ANAPC7: variants seen among roughly 807,000 people sequenced by gnomAD.
The protein encoded by ANAPC7 is anaphase-promoting complex subunit 7.
ANAPC7 carries 25 observed loss-of-function variants against 63.3 expected under a neutral mutation model. The observed-to-expected ratio is 0.39, with a 90% CI of 0.29 to 0.55. The LOEUF is 0.55. Ranked by LOEUF, ANAPC7 falls within the 20% of genes least tolerant of loss-of-function variation. The pLI, the probability that ANAPC7 is intolerant of heterozygous loss-of-function variation, is 0.57. For missense variants in ANAPC7, 516 were observed against 691.7 expected, an observed-to-expected ratio of 0.75 and a Z score of 2.85; for synonymous variants, 241 against 251.7, an observed-to-expected ratio of 0.96 and a Z score of 0.40.
intron 1 of ANAPC7, among the ~76,000 whole-genome samples, chr12:110,399,393 C>G (rs1226127864): frequency 6.6e-6 from 1 of 151,124 alleles, no homozygotes; most frequent in Non-Finnish European, 1.5e-5. Context: ...AATCCCAACA[C>G]TTTGGGAGGT....
chr12:110,386,284 C>T lies in ANAPC7; in HGVS notation c.817+43G>A, dbSNP rs548996491. On this transcript the variant is annotated intron_variant, in intron 6 of 10. Transcript: ENST00000455511. ...TATTCTCCCTATTATCTCTGATCCC[C>T]CCCAACAACAGCCACTGTCTTCCTG... 134 of 1,611,372 alleles carry T rather than the reference C, an allele frequency of 8.3e-5. No homozygotes were observed. In the South Asian group the frequency reaches 1.4e-3, roughly 17 times the overall value.
intron 5 of ANAPC7, 163 bp downstream of exon 5, chr12:110,387,576 A>G: frequency 2.7e-6 from 2 of 731,408 alleles, no homozygotes; most frequent in Non-Finnish European, 4.3e-6. Flanking sequence ...TGATTACATG[A>G]TTACATTTGG....
intron 8 of ANAPC7, 54 bp from the exon 9 acceptor site, chr12:110,377,671 T>C (rs1212498453): frequency 6.2e-7 from 1 of 1,609,270 alleles, no homozygotes; most frequent in Admixed American, 1.7e-5. Context: ...TTCCAACCCA[T>C]GCTTCCACTC....
Position 110,376,148 on chromosome 12 carries a change from C to T in ANAPC7, c.1426G>A (p.Val476Ile). The T allele has an allele frequency of 6.2e-7, 1 of 1,614,170 alleles. No homozygotes were observed. ...RNALANQSDC[V>I]LHRILGDFLV... Reference sequence around the variant, plus strand: ...AAATCTCCTAGGATCCGATGCAGGACACAGTCACTCTGATTAGCCAGTGCG... The same window carrying T: ...AAATCTCCTAGGATCCGATGCAGGATACAGTCACTCTGATTAGCCAGTGCG... Residue 476 changes from valine (V) to isoleucine (I), a missense_variant, in exon 10 of 11, where the codon GTC (valine) becomes ATC (isoleucine). Around this residue, in one of 4 missense-constraint regions of ANAPC7, gnomAD observed 122 missense variants for 212.0 expected, o/e 0.58. Transcript: ENST00000455511.
chr12:110,397,992 T>C (rs958233130), intron 1 of ANAPC7, among the ~76,000 whole-genome samples: 2 of 152,050 alleles, frequency 1.3e-5, no homozygotes, highest in Admixed American at 6.6e-5. Context: ...GCACCTGTAA[T>C]CCGAGCACTT....
chr12:110,395,252 G>A (rs374404661), intron 2 of ANAPC7, 32 bp from the exon 3 acceptor site: 31 of 1,588,810 alleles, frequency 2.0e-5, no homozygotes, highest in Admixed American at 5.2e-5. Context: ...TCTTTGAAAC[G>A]TTATTCCAAC....
chr12:110,377,131 C>T lies in ANAPC7; in HGVS notation c.1357+262G>A, dbSNP rs1255457764. Among the ~76,000 whole-genome samples the T allele has an allele frequency of 8.1e-5, 11 of 136,122 alleles. No individual in the cohort carries two copies. The East Asian group carries it at 1.7e-3, about 21-fold the overall frequency. 89.3% of individuals were successfully genotyped at this position (136,122 alleles called of 152,430 possible). On this transcript the variant is annotated intron_variant, in intron 9 of 10. Transcript: ENST00000455511. ...CAGCCTGGGTGACAGAGCAAGATGCCGTCTCAAAAAAAAAAAAAAAAAAAA... is the reference window on the plus strand; with the variant it reads ...CAGCCTGGGTGACAGAGCAAGATGCTGTCTCAAAAAAAAAAAAAAAAAAAA...
rs35699984 is a variant in ANAPC7 at position 110,381,954 on chromosome 12, G to GA, written c.936-7dup. The GA allele has an allele frequency of 0.046, 44,709 of 972,124 alleles. 102 individuals are homozygous for GA. Among genetic ancestry groups the GA allele is most frequent in the South Asian group, 0.11 (5,185 of 48,876 alleles). The allele number at this position is 972,124 out of a possible 1,614,324, so 60.2% of individuals were successfully genotyped here. ...TGCTATAGAAGCTGTGACAGCTGGA[G>GA]AAAAAAAAAAAAAAAAAAACACAAA... On this transcript the variant is annotated splice_polypyrimidine_tract_variant and splice_region_variant and intron_variant, in intron 7 of 10. Coordinates refer to ENST00000455511, the MANE Select transcript of ANAPC7 (RefSeq NM_016238.3).
chr12:110,395,357 C>G, intron 2 of ANAPC7, 137 bp from the exon 3 acceptor site: 1 of 825,348 alleles, frequency 1.2e-6, no homozygotes, highest in Non-Finnish European at 1.8e-6. Context: ...CTCTGTTGCC[C>G]AGGCTGCAAT....
rs773802195 is a variant in ANAPC7 at position 110,374,098 on chromosome 12, T to G, written c.*46A>C. 1.9e-6 allele frequency: 3 copies of G among 1,542,456 alleles called. No individual in the cohort carries two copies. The highest frequency in any genetic ancestry group is 1.7e-6 in the Non-Finnish European group (2 of 1,147,160). On this transcript the variant is annotated 3_prime_UTR_variant, in exon 11 of 11. Transcript: ENST00000455511. ...CTACGGTTCCTTCAGTCCACGGAAG[T>G]GCTCAGAGCAGGGCAGGCCACTGCG...
At chr12:110,391,714 C>G (rs1048404541) in intron 3 of ANAPC7, among the ~76,000 whole-genome samples, 1 of 152,248 alleles carries the variant, frequency 6.6e-6, no homozygotes, top group East Asian at 1.9e-4. Context: ...AAAAAAAAGT[C>G]CTACAAATAT....
chr12:110,381,906 A>G lies in ANAPC7; in HGVS notation c.978T>C (p.Tyr326=). The G allele has an allele frequency of 1.3e-6, 2 of 1,595,462 alleles. No homozygotes were observed. Among genetic ancestry groups the G allele is most frequent in the Non-Finnish European group, 8.5e-7 (1 of 1,169,762 alleles). ...FYSKRYSRAL[Y]LGAKAIQLNS... ...TCAGCTGAATGGCCTTGGCTCCTAA[A>G]TAGAGGGCCCGGGAGTAGCGTTTGC... The change falls in exon 8 of 11, where the codon TAT becomes TAC. Residue 326 remains tyrosine, a synonymous_variant. Coordinates refer to ENST00000455511, the MANE Select transcript of ANAPC7 (RefSeq NM_016238.3).
intron 1 of ANAPC7, among the ~76,000 whole-genome samples, chr12:110,402,080 C>A (rs554834369): frequency 6.6e-6 from 1 of 151,752 alleles, no homozygotes. Flanking sequence ...TTGGCTGAGG[C>A]AGGAGGATCG....
intron 1 of ANAPC7, among the ~76,000 whole-genome samples, chr12:110,399,443 A>G (rs1007377682): frequency 1.3e-5 from 2 of 151,868 alleles, no homozygotes; most frequent in African/African-American, 4.8e-5. Flanking sequence ...TCTGATCAAC[A>G]TAGTGAGATC....
chr12:110,400,221 T>A (rs1447056651), intron 1 of ANAPC7, among the ~76,000 whole-genome samples: 1 of 152,210 alleles, frequency 6.6e-6, no homozygotes, highest in African/African-American at 2.4e-5. Flanking sequence ...TATTATTACA[T>A]CCACAGAAAG....
intron 2 of ANAPC7, among the ~76,000 whole-genome samples, 154 bp downstream of exon 2, chr12:110,396,112 C>T (rs1033243112): frequency 2.0e-5 from 3 of 152,050 alleles, no homozygotes; most frequent in South Asian, 4.1e-4. Flanking sequence ...GGAGGCGGAG[C>T]TCAGGCAGTA....
At position 110,403,682 on chromosome 12, in the gene ANAPC7, G is replaced by A. The variant is rs1266226752; in HGVS notation, c.-55C>T. Reference sequence around the variant, plus strand: ...GCAGCACTGACTCGAAAAGCCGGTAGAGGATCCTTAGGGAAGACTCCAAAA... The same window carrying A: ...GCAGCACTGACTCGAAAAGCCGGTAAAGGATCCTTAGGGAAGACTCCAAAA... On this transcript the variant is annotated 5_prime_UTR_variant, in exon 1 of 11. Coordinates refer to ENST00000455511, the MANE Select transcript of ANAPC7 (RefSeq NM_016238.3). 1.3e-6 allele frequency: 2 copies of A among 1,555,454 alleles called. No individual in the cohort carries two copies. Among genetic ancestry groups the A allele is most frequent in the East Asian group, 2.4e-5 (1 of 41,392 alleles).
At chr12:110,375,838 G>T in intron 10 of ANAPC7, 11 of 1,235,448 alleles carry the variant, frequency 8.9e-6, no homozygotes, top group Non-Finnish European at 1.1e-5. Flanking sequence ...ATGTTATAGT[G>T]GTGTGGGATG....
At chr12:110,389,179 C>A (rs763131153) in intron 3 of ANAPC7, among the ~76,000 whole-genome samples, 3 of 151,734 alleles carry the variant, frequency 2.0e-5, no homozygotes, top group Non-Finnish European at 2.9e-5. Flanking sequence ...TACCTTCCCA[C>A]AAGGCCCAGT....
Sources: allele counts gnomAD v4.1 joint callset (sites outside exome capture counted in the v4.1 genomes callset), GRCh38; gene constraint gnomAD v4.1.1; regional missense constraint gnomAD v4.1.1; transcripts MANE v1.5; gene names NCBI Gene and HGNC (gene_info 2026-07-23, HGNC 2026-07-21).